Variants in FGD4 observed in about 807,000 individuals in gnomAD.
FGD4 encodes the protein FYVE, RhoGEF and PH domain containing 4, also known as FYVE, RhoGEF and PH domain-containing protein 4.
FGD4 carries 42 observed loss-of-function variants against 102.0 expected under a neutral mutation model. The ratio of observed to expected loss-of-function variants is 0.41; its 90% CI spans 0.32 to 0.53. The LOEUF (loss-of-function observed/expected upper bound fraction) is 0.53. FGD4 is among the 20% of genes least tolerant of loss of function. FGD4 has a pLI of 0.21. For synonymous variants in FGD4, 380 were observed against 375.7 expected, an observed-to-expected ratio of 1.01 and a Z score of -0.13; for missense variants, 902 against 1,078.2, an observed-to-expected ratio of 0.84 and a Z score of 2.29.
chr12:32,533,913 A>G (rs1003577131), intron 1 of FGD4, among the ~76,000 whole-genome samples: 1 of 152,250 alleles, frequency 6.6e-6, no homozygotes, highest in Non-Finnish European at 1.5e-5. Flanking sequence ...ACTGAAATCA[A>G]TGAGCTATGC....
chr12:32,552,433 C>A (rs944586844), intron 1 of FGD4, among the ~76,000 whole-genome samples: 30 of 84,876 alleles, frequency 3.5e-4, no homozygotes, highest in Non-Finnish European at 2.3e-5. Context: ...CTAATTTTTG[C>A]ATTTTTTTTT....
At chr12:32,556,091 G>A (rs908816104) in intron 1 of FGD4, among the ~76,000 whole-genome samples, 1 of 151,822 alleles carries the variant, frequency 6.6e-6, no homozygotes, top group Admixed American at 6.6e-5. Flanking sequence ...TCCTCTCTCC[G>A]TGGCGTCCCT....
At chr12:32,453,200 T>TTATATATA (rs1209887127) in intron 1 of FGD4, among the ~76,000 whole-genome samples, 2 of 64,590 alleles carry the variant, frequency 3.1e-5, no homozygotes, top group Admixed American at 2.0e-4. Flanking sequence ...TATATATATA[T>TTATATATA]TATATATATA....
At chr12:32,624,308 C>G in intron 11 of FGD4, 114 bp from the exon 12 acceptor site, 1 of 801,568 alleles carries the variant, frequency 1.2e-6, no homozygotes, top group South Asian at 1.6e-5. Context: ...ATAATTCCTT[C>G]CATAACATCC....
chr12:32,533,645 G>C (rs536171456), intron 1 of FGD4, among the ~76,000 whole-genome samples: 1 of 152,222 alleles, frequency 6.6e-6, no homozygotes, highest in East Asian at 1.9e-4. Context: ...GGCTGGTTTC[G>C]AACTCCTGAC....
At chr12:32,520,702 C>G (rs1940452248) in intron 1 of FGD4, among the ~76,000 whole-genome samples, 1 of 152,064 alleles carries the variant, frequency 6.6e-6, no homozygotes, top group South Asian at 2.1e-4. Context: ...TCCCAAAGTG[C>G]TGGGATTACA....
chr12:32,564,372 A>C, intron 2 of FGD4, 83 bp downstream of exon 2: 1 of 1,461,988 alleles, frequency 6.8e-7, no homozygotes, highest in Non-Finnish European at 9.1e-7. Flanking sequence ...GCCACAAAGA[A>C]AGTGTTTTAA....
chr12:32,549,007 C>A (rs148773874), intron 1 of FGD4, among the ~76,000 whole-genome samples: 1 of 152,298 alleles, frequency 6.6e-6, no homozygotes, highest in East Asian at 1.9e-4. Flanking sequence ...GTCCCTAGGG[C>A]AGCTTTTCCC....
chr12:32,563,421 C>T (rs1944861006), intron 1 of FGD4, among the ~76,000 whole-genome samples: 1 of 151,754 alleles, frequency 6.6e-6, no homozygotes, highest in South Asian at 2.1e-4. Context: ...GGCAGAGACG[C>T]TCCTCAGTTC....
intron 10 of FGD4, among the ~76,000 whole-genome samples, chr12:32,614,482 A>G (rs542719075): frequency 6.6e-6 from 1 of 152,340 alleles, no homozygotes; most frequent in African/African-American, 2.4e-5. Flanking sequence ...CGAGGGCCAA[A>G]GAACAATAAC....
chr12:32,466,988 C>A (rs1943272375), intron 1 of FGD4, among the ~76,000 whole-genome samples: 1 of 151,916 alleles, frequency 6.6e-6, no homozygotes, highest in Non-Finnish European at 1.5e-5. Flanking sequence ...CTCTCCAAGC[C>A]CAGCATTTTT....
intron 1 of FGD4, among the ~76,000 whole-genome samples, chr12:32,521,372 C>CAAAAAAAAAAAAAA (rs60786078): frequency 1.1e-5 from 1 of 93,970 alleles, no homozygotes; most frequent in Non-Finnish European, 2.1e-5. Context: ...GACTCCGTCT[C>CAAAAAAAAAAAAAA]AAAAAAAAAA....
chr12:32,524,120 G>T (rs1940854147), intron 1 of FGD4, among the ~76,000 whole-genome samples: 1 of 151,862 alleles, frequency 6.6e-6, no homozygotes. Flanking sequence ...AAATTGGCCG[G>T]GTGCGGTGGC....
chr12:32,486,081 A>G (rs1943890994), intron 1 of FGD4: 1 of 1,521,428 alleles, frequency 6.6e-7, no homozygotes. Flanking sequence ...TTGCTCCAGA[A>G]GCAGGAAATA....
At chr12:32,429,942 A>G (rs896339768) in intron 1 of FGD4, among the ~76,000 whole-genome samples, 12 of 151,862 alleles carry the variant, frequency 7.9e-5, no homozygotes, top group African/African-American at 7.3e-5. Context: ...CCAAATTCCT[A>G]TCAGGTTTAC....
chr12:32,401,416 C>G (rs2136374563), intron 1 of FGD4, among the ~76,000 whole-genome samples: 1 of 152,108 alleles, frequency 6.6e-6, no homozygotes, highest in East Asian at 1.9e-4. Flanking sequence ...TGCGCCACCA[C>G]GCCCAACTAA....
intron 1 of FGD4, among the ~76,000 whole-genome samples, chr12:32,507,561 T>G (rs1352900803): frequency 4.6e-5 from 7 of 152,186 alleles, no homozygotes; most frequent in Non-Finnish European, 8.8e-5. Context: ...ACATTGCATG[T>G]TATCGTTACT....
At chr12:32,622,229 G>A (rs976156030) in intron 11 of FGD4, among the ~76,000 whole-genome samples, 1 of 152,150 alleles carries the variant, frequency 6.6e-6, no homozygotes, top group Non-Finnish European at 1.5e-5. Context: ...CAGAAAGAAT[G>A]AAGGCGTTGC....
At chr12:32,575,085 T>G (rs998209987) in intron 2 of FGD4, among the ~76,000 whole-genome samples, 1 of 152,208 alleles carries the variant, frequency 6.6e-6, no homozygotes, top group Non-Finnish European at 1.5e-5. Context: ...CTCTGTAGAT[T>G]TTAGTATTTC....
Sources: allele counts gnomAD v4.1 joint callset (sites outside exome capture counted in the v4.1 genomes callset), GRCh38; gene constraint gnomAD v4.1.1; transcripts MANE v1.5; gene names NCBI Gene and HGNC (gene_info 2026-07-23, HGNC 2026-07-21).